Variants in SPIN1 observed in about 807,000 individuals in gnomAD.
The protein encoded by SPIN1 is spindlin-1.
In SPIN1, 3 loss-of-function variants were observed where a neutral mutation model predicts 26.0. That is an observed-to-expected ratio of 0.12 (90% CI 0.05 to 0.30). The LOEUF is 0.30. Ranked by LOEUF, SPIN1 falls within the 10% of genes least tolerant of loss-of-function variation. The probability of loss-of-function intolerance (pLI) is 1.00; values close to 1 mark genes in which losing one functional copy is unlikely to be tolerated. For synonymous variants in SPIN1, 101 were observed against 116.5 expected, an observed-to-expected ratio of 0.87 and a Z score of 0.86; for missense variants, 126 against 333.4, an observed-to-expected ratio of 0.38 and a Z score of 4.84.
At chr9:88,421,478 C>T (rs1198725045) in intron 1 of SPIN1, among the ~76,000 whole-genome samples, 2 of 152,058 alleles carry the variant, frequency 1.3e-5, no homozygotes, top group Non-Finnish European at 2.9e-5. Context: ...CACAGCTATC[C>T]TTACTGTGTT....
rs1828905461 is a variant in SPIN1, at chr9:88,477,208, T to G, written c.*1931T>G. 6.6e-6 allele frequency: 1 copy of G among 152,252 alleles called. No homozygotes were observed. The highest frequency in any genetic ancestry group is 1.5e-5 in the Non-Finnish European group (1 of 68,060). The allele number at this position is 152,252 out of a possible 1,614,324, so 9.4% of individuals were successfully genotyped here. ...AGTCCCTGCATGTAAATCTCAAAGCTGAGCCTGGCTCCCAGAGTCCAGACT... is the reference window on the plus strand; with the variant it reads ...AGTCCCTGCATGTAAATCTCAAAGCGGAGCCTGGCTCCCAGAGTCCAGACT... On this transcript the variant is annotated 3_prime_UTR_variant, in exon 6 of 6. Transcript: ENST00000375859.
rs1331010269 is a variant in SPIN1, at chr9:88,476,469, T to TA, written c.*1193dup. On this transcript the variant is annotated 3_prime_UTR_variant, in exon 6 of 6. Transcript: ENST00000375859. ...AAGAATGTCTAGACAAACAGCAGCT[T>TA]AGTCTCCTGACACCTCTTGTGGGGT... The TA allele has an allele frequency of 1.3e-5, 2 of 152,282 alleles. No individual in the cohort carries two copies. The highest frequency in any genetic ancestry group is 2.9e-5 in the Non-Finnish European group (2 of 68,092). The allele number at this position is 152,282 out of a possible 1,614,324, so 9.4% of individuals were successfully genotyped here. A position where few individuals can be genotyped will look rare whatever the true frequency, so the allele number is the denominator to read the frequency against.
chr9:88,464,405 T>G (rs1397896050), intron 4 of SPIN1, among the ~76,000 whole-genome samples: 1 of 152,204 alleles, frequency 6.6e-6, no homozygotes, highest in Non-Finnish European at 1.5e-5. Context: ...TAGAGTATAA[T>G]TAAAATTATG....
chr9:88,449,978 CAAAA>C (rs956173003), intron 3 of SPIN1, among the ~76,000 whole-genome samples: 1 of 152,250 alleles, frequency 6.6e-6, no homozygotes, highest in Admixed American at 6.5e-5. Context: ...TTGGGCGAAA[CAAAA>C]GTCTCCAAAA....
At chr9:88,414,180 T>C (rs963824054) in intron 1 of SPIN1, among the ~76,000 whole-genome samples, 3 of 152,154 alleles carry the variant, frequency 2.0e-5, no homozygotes, top group Non-Finnish European at 4.4e-5. Context: ...GTCCAGAGTT[T>C]TTATTGGTGC....
intron 1 of SPIN1, among the ~76,000 whole-genome samples, chr9:88,390,248 T>A (rs1826891118): frequency 6.6e-6 from 1 of 152,168 alleles, no homozygotes; most frequent in African/African-American, 2.4e-5. Context: ...CGATGCCATA[T>A]GTTGGTCATT....
chr9:88,439,605 A>G (rs1198231120), intron 2 of SPIN1, among the ~76,000 whole-genome samples: 2 of 152,206 alleles, frequency 1.3e-5, no homozygotes, highest in Non-Finnish European at 2.9e-5. Context: ...AGTGGAGTTA[A>G]TCTGTCTCTT....
At chr9:88,410,102 T>G (rs1685342954) in intron 1 of SPIN1, among the ~76,000 whole-genome samples, 1 of 151,994 alleles carries the variant, frequency 6.6e-6, no homozygotes, top group African/African-American at 2.4e-5. Flanking sequence ...CCTCTTTAGA[T>G]CCTGTCTCTC....
intron 5 of SPIN1, among the ~76,000 whole-genome samples, chr9:88,469,668 C>T (rs1828738498): frequency 6.6e-6 from 1 of 152,092 alleles, no homozygotes; most frequent in South Asian, 2.1e-4. Context: ...GCACCCACCG[C>T]CACACCTGGT....
intron 1 of SPIN1, among the ~76,000 whole-genome samples, chr9:88,404,525 A>G (rs777176391): frequency 7.9e-5 from 12 of 152,198 alleles, no homozygotes; most frequent in Non-Finnish European, 1.6e-4. Flanking sequence ...CACATTGTAC[A>G]GATGTATAGA....
chr9:88,427,268 AT>A (rs1255142494), intron 2 of SPIN1, among the ~76,000 whole-genome samples: 7 of 152,178 alleles, frequency 4.6e-5, no homozygotes, highest in African/African-American at 1.4e-4. Context: ...TATAAAAATT[AT>A]TAATAGTACA....
intron 2 of SPIN1, among the ~76,000 whole-genome samples, chr9:88,442,418 T>TG (rs1240664090): frequency 6.6e-6 from 1 of 151,790 alleles, no homozygotes; most frequent in Non-Finnish European, 1.5e-5. Context: ...TTCCTTTTTT[T>TG]TTTTTGAAGA....
In SPIN1 at chr9:88,449,319, C is replaced by T. The variant is rs1828313208; in HGVS notation, c.101+330C>T. On this transcript the variant is annotated intron_variant, in intron 3 of 5. Transcript: ENST00000375859. ...GGAATGCCTGTGTGAGCCTTGCGTGCAGGCTTCCTCTCCTGGTCTTGGTCC... is the reference window on the plus strand; with the variant it reads ...GGAATGCCTGTGTGAGCCTTGCGTGTAGGCTTCCTCTCCTGGTCTTGGTCC... Among the ~76,000 whole-genome samples, 6 of 152,038 alleles carry T rather than the reference C, an allele frequency of 3.9e-5. No homozygotes were observed. The South Asian group carries it at 1.2e-3, about 32-fold the overall frequency.
At chr9:88,393,132 C>CTT (rs79661252) in intron 1 of SPIN1, among the ~76,000 whole-genome samples, 11,271 of 124,734 alleles carry the variant, frequency 0.09, 1,581 homozygotes, top group African/African-American at 0.3. Context: ...GTTAAATGTG[C>CTT]TTTTTTTTTT....
intron 2 of SPIN1, among the ~76,000 whole-genome samples, chr9:88,429,227 G>A (rs1454727187): frequency 6.6e-6 from 1 of 152,172 alleles, no homozygotes; most frequent in Non-Finnish European, 1.5e-5. Context: ...CCAAATGTGG[G>A]AAGGGGAGGA....
intron 2 of SPIN1, among the ~76,000 whole-genome samples, chr9:88,426,836 A>G (rs1471831344): frequency 6.6e-6 from 1 of 152,196 alleles, no homozygotes; most frequent in Non-Finnish European, 1.5e-5. Flanking sequence ...AGTGAATTGT[A>G]AATATCTGTT....
intron 1 of SPIN1, among the ~76,000 whole-genome samples, chr9:88,395,741 T>TA (rs1827039049): frequency 6.6e-6 from 1 of 151,912 alleles, no homozygotes; most frequent in Non-Finnish European, 1.5e-5. Flanking sequence ...CAGGCATCAA[T>TA]ACAGCCTAAA....
At chr9:88,446,694 C>T (rs758525729) in intron 2 of SPIN1, among the ~76,000 whole-genome samples, 2 of 152,200 alleles carry the variant, frequency 1.3e-5, no homozygotes, top group Admixed American at 6.5e-5. Flanking sequence ...AGGCGTGAGC[C>T]ACTGCGCCAG....
chr9:88,417,516 A>AC (rs1827592137), intron 1 of SPIN1, among the ~76,000 whole-genome samples: 1 of 152,086 alleles, frequency 6.6e-6, no homozygotes, highest in Non-Finnish European at 1.5e-5. Context: ...TCTGCCACCC[A>AC]GGCTGGAATG....
Sources: gnomAD v4.1 joint callset for allele counts (sites outside exome capture counted in the v4.1 genomes callset) on GRCh38, gnomAD v4.1.1 for gene constraint, MANE v1.5 for transcripts, NCBI Gene and HGNC (gene_info 2026-07-23, HGNC 2026-07-21) for gene names.